The following EPHA3 variants were observed in gnomAD, a reference collection of about 807,000 sequenced individuals.
EPHA3 encodes ephrin type-A receptor 3.
A neutral mutation model predicts 107.1 loss-of-function variants in EPHA3; 42 were observed. The ratio of observed to expected loss-of-function variants is 0.39; its 90% CI spans 0.31 to 0.51. The LOEUF (loss-of-function observed/expected upper bound fraction) is 0.51. Ranked by LOEUF, EPHA3 falls within the 20% of genes least tolerant of loss-of-function variation. EPHA3 has a pLI of 0.78. For synonymous variants in EPHA3, 461 were observed against 424.8 expected, an observed-to-expected ratio of 1.09 and a Z score of -1.05; for missense variants, 1,183 against 1,211.2, an observed-to-expected ratio of 0.98 and a Z score of 0.35.
chr3:89,274,905 T>G (rs1705768159), intron 3 of EPHA3, among the ~76,000 whole-genome samples: 1 of 152,006 alleles, frequency 6.6e-6, no homozygotes, highest in South Asian at 2.1e-4. Context: ...TCCATATGTA[T>G]CAACAAATTT....
chr3:89,335,496 C>T (rs751809216), intron 3 of EPHA3, among the ~76,000 whole-genome samples: 3 of 151,958 alleles, frequency 2.0e-5, no homozygotes, highest in African/African-American at 4.8e-5. Context: ...TTTAGGAAAT[C>T]GATACATGTT....
At chr3:89,248,155 C>T (rs1362176436) in intron 3 of EPHA3, among the ~76,000 whole-genome samples, 1 of 152,140 alleles carries the variant, frequency 6.6e-6, no homozygotes, top group Non-Finnish European at 1.5e-5. Context: ...TGCGCTGCAA[C>T]ATCTACTGCC....
chr3:89,211,524 ATCAG>A (rs1704080648), intron 3 of EPHA3, among the ~76,000 whole-genome samples: 1 of 152,052 alleles, frequency 6.6e-6, no homozygotes, highest in Non-Finnish European at 1.5e-5. Flanking sequence ...TGATCGCATA[ATCAG>A]TCACTTTTCT....
Position 89,481,601 on chromosome 3 carries a change from T to C in EPHA3, c.*2099T>C, listed in dbSNP as rs2107583551. The C allele has an allele frequency of 4.3e-6, 1 of 232,692 alleles. No individual in the cohort carries two copies. Among genetic ancestry groups the C allele is most frequent in the Non-Finnish European group, 8.5e-6 (1 of 117,448 alleles). 14.4% of individuals were successfully genotyped at this position (232,692 alleles called of 1,614,324 possible). On this transcript the variant is annotated 3_prime_UTR_variant, in exon 17 of 17. Transcript: ENST00000336596. The stretch of plus-strand genomic sequence containing the variant: ...TAGAAGTTGAGGATTGTTGAATCTA[T>C]TTCACTTATTTTGGCTGTGGTTTCC...
In EPHA3 at chr3:89,365,894, G is replaced by A. The variant is rs979288749; in HGVS notation, c.1306+23804G>A. ...GTATTTTTTCTTCATTTTATAGGTA[G>A]CGGTGCTTGTGTATGATATAGATGG... On this transcript the variant is annotated intron_variant, in intron 5 of 16. Transcript: ENST00000336596. Among the ~76,000 whole-genome samples, 3 of 150,678 alleles carry A rather than the reference G, an allele frequency of 2.0e-5. No individual in the cohort carries two copies. The South Asian group carries it at 6.2e-4, about 31-fold the overall frequency.
At chr3:89,446,856 G>A (rs1033097313) in intron 13 of EPHA3, among the ~76,000 whole-genome samples, 2 of 152,102 alleles carry the variant, frequency 1.3e-5, no homozygotes, top group African/African-American at 4.8e-5. Flanking sequence ...TGGAAAAAGA[G>A]AAGTAGCAAA....
chr3:89,166,902 A>G (rs1323948448), intron 2 of EPHA3, among the ~76,000 whole-genome samples: 1 of 152,188 alleles, frequency 6.6e-6, no homozygotes, highest in Non-Finnish European at 1.5e-5. Context: ...AGTATGATGT[A>G]TTATTTAAGA....
At chr3:89,284,111 A>G (rs188463192) in intron 3 of EPHA3, among the ~76,000 whole-genome samples, 1 of 152,260 alleles carries the variant, frequency 6.6e-6, no homozygotes, top group African/African-American at 2.4e-5. Flanking sequence ...AAATAAATGA[A>G]GTTAGATTTA....
At chr3:89,470,965 G>T (rs907764357) in intron 15 of EPHA3, among the ~76,000 whole-genome samples, 2 of 152,140 alleles carry the variant, frequency 1.3e-5, no homozygotes, top group African/African-American at 4.8e-5. Flanking sequence ...GAGTGCACAT[G>T]AACGTTTGAT....
intron 3 of EPHA3, among the ~76,000 whole-genome samples, chr3:89,332,280 C>T (rs1559650274): frequency 6.6e-6 from 1 of 152,096 alleles, no homozygotes; most frequent in Non-Finnish European, 1.5e-5. Context: ...CTCTTTGTGG[C>T]GAATGTACAT....
chr3:89,256,569 A>C (rs1397771733), intron 3 of EPHA3, among the ~76,000 whole-genome samples: 1 of 149,974 alleles, frequency 6.7e-6, no homozygotes, highest in African/African-American at 2.5e-5. Flanking sequence ...TCTCAAAAAT[A>C]AGGAAATAAA....
chr3:89,265,814 A>G (rs1705526115), intron 3 of EPHA3, among the ~76,000 whole-genome samples: 1 of 152,122 alleles, frequency 6.6e-6, no homozygotes, highest in Admixed American at 6.6e-5. Flanking sequence ...CTGGTTAGAT[A>G]CCTGGGCAAC....
At chr3:89,230,824 TCACACA>T (rs61566796) in intron 3 of EPHA3, among the ~76,000 whole-genome samples, 2,083 of 139,590 alleles carry the variant, frequency 0.015, 50 homozygotes, top group African/African-American at 0.05. Context: ...TCTCTCTCTC[TCACACA>T]CACACACACA....
At chr3:89,417,276 T>C (rs556428490) in intron 10 of EPHA3, among the ~76,000 whole-genome samples, 2 of 151,492 alleles carry the variant, frequency 1.3e-5, no homozygotes, top group Non-Finnish European at 3.0e-5. Flanking sequence ...AGAGTCAGAA[T>C]TGGACCCGAA....
At chr3:89,137,707 C>T (rs571091584) in intron 2 of EPHA3, among the ~76,000 whole-genome samples, 1 of 151,902 alleles carries the variant, frequency 6.6e-6, no homozygotes, top group East Asian at 1.9e-4. Context: ...TTGGGAGTTG[C>T]TAAAATCATT....
intron 3 of EPHA3, among the ~76,000 whole-genome samples, chr3:89,288,554 A>G (rs1232223201): frequency 1.3e-5 from 2 of 152,144 alleles, no homozygotes; most frequent in Non-Finnish European, 2.9e-5. Context: ...TTCAGGAGCC[A>G]ATAGAGATAC....
At chr3:89,434,940 G>A (rs566012688) in intron 13 of EPHA3, among the ~76,000 whole-genome samples, 2 of 152,112 alleles carry the variant, frequency 1.3e-5, no homozygotes, top group South Asian at 2.1e-4. Flanking sequence ...GCTTTCTTCC[G>A]AGAAGCTGTA....
intron 5 of EPHA3, among the ~76,000 whole-genome samples, chr3:89,380,319 A>C (rs1708477201): frequency 6.6e-6 from 1 of 152,212 alleles, no homozygotes; most frequent in Non-Finnish European, 1.5e-5. Flanking sequence ...TTATGTGAGA[A>C]TGAAGTTATA....
rs781401625 is a variant in EPHA3 at position 89,449,365 on chromosome 3, C to T, written c.2487C>T (p.Ser829=). The T allele has an allele frequency of 6.3e-7, 1 of 1,587,802 alleles. No homozygotes were observed. Among genetic ancestry groups the T allele is most frequent in the Non-Finnish European group, 8.6e-7 (1 of 1,162,678 alleles). Reference sequence around the variant, plus strand: ...GAGAGAGACCATACTGGGAGATGTCCAATCAGGATGTAAGTATTTGTGGTC... The same window carrying T: ...GAGAGAGACCATACTGGGAGATGTCTAATCAGGATGTAAGTATTTGTGGTC... ...SYGERPYWEM[S]NQDVIKAVDE... is the part of the protein sequence containing the mutation. Residue 829 remains serine (S), a synonymous_variant, in exon 14 of 17, where the codon TCC becomes TCT. Transcript: ENST00000336596.
Sources: gnomAD v4.1 joint callset for allele counts (sites outside exome capture counted in the v4.1 genomes callset) on GRCh38, gnomAD v4.1.1 for gene constraint, MANE v1.5 for transcripts, NCBI Gene and HGNC (gene_info 2026-07-23, HGNC 2026-07-21) for gene names.